Variants in SLC34A2 observed in about 807,000 individuals in gnomAD.
SLC34A2 encodes the protein solute carrier family 34 member 2, also known as sodium-dependent phosphate transport protein 2B.
Under a neutral mutation model 50.8 loss-of-function variants are expected in SLC34A2, and 41 were observed. That is an observed-to-expected ratio of 0.81 (90% CI 0.63 to 1.05). The LOEUF (loss-of-function observed/expected upper bound fraction) is 1.05. SLC34A2 is among the 50% of genes least tolerant of loss of function. SLC34A2 has a pLI of 0.00. For missense variants in SLC34A2, 879 were observed against 876.7 expected (o/e 1.00, Z -0.03); for synonymous variants, 401 against 364.2 (o/e 1.10, Z -1.15).
At position 25,671,732 on chromosome 4, in the gene SLC34A2, C is replaced by T. The variant is rs558784744; in HGVS notation, c.1048+11C>T. ...AGAACATCGCCAAATGTGAGTGGAG[C>T]TCAGTGGATTGGCCACTATGACAGG... On this transcript the variant is annotated intron_variant, in intron 9 of 12. Coordinates refer to ENST00000382051, the MANE Select transcript of SLC34A2 (RefSeq NM_006424.3). 3 of 1,614,200 alleles carry T rather than the reference C, an allele frequency of 1.9e-6. No homozygotes were observed. The highest frequency in any genetic ancestry group is 2.7e-5 in the African/African-American group (2 of 75,056).
chr4:25,677,141 A>G lies in SLC34A2; in HGVS notation c.*392A>G, dbSNP rs945971181. 4 of 260,418 alleles carry G rather than the reference A, an allele frequency of 1.5e-5. No individual in the cohort carries two copies. Among genetic ancestry groups the G allele is most frequent in the Non-Finnish European group, 3.0e-5 (4 of 133,056 alleles). The allele number at this position is 260,418 out of a possible 1,614,324, so 16.1% of individuals were successfully genotyped here. A position where few individuals can be genotyped will look rare whatever the true frequency, so the allele number is the denominator to read the frequency against. ...TATGAGAGGCTCTCCCAGATGAGGAAGTGTACTCTCTATGACTATCAAGCT... is the reference window on the plus strand; with the variant it reads ...TATGAGAGGCTCTCCCAGATGAGGAGGTGTACTCTCTATGACTATCAAGCT... On this transcript the variant is annotated 3_prime_UTR_variant, in exon 13 of 13. Coordinates refer to ENST00000382051, the MANE Select transcript of SLC34A2 (RefSeq NM_006424.3).
chr4:25,672,520 A>G (rs1265191594), intron 9 of SLC34A2, among the ~76,000 whole-genome samples: 1 of 152,092 alleles, frequency 6.6e-6, no homozygotes, highest in Non-Finnish European at 1.5e-5. Flanking sequence ...ACTTTTGTAT[A>G]TCTCTGCTTC....
chr4:25,671,704 A>G lies in SLC34A2; in HGVS notation c.1031A>G (p.Lys344Arg), dbSNP rs750781565. The G allele has an allele frequency of 5.6e-6, 9 of 1,614,082 alleles. No individual in the cohort carries two copies. In the Admixed American group the frequency reaches 8.3e-5, roughly 15 times the overall value. ...TGGACCATGAAGAATGTGACCTACA[A>G]GGAGAACATCGCCAAATGTGAGTGG... ...QNWTMKNVTY[K>R]ENIAKCQHIF... Residue 344 changes from lysine to arginine, a missense_variant, in exon 9 of 13, where the codon AAG (lysine) becomes AGG (arginine). By Grantham distance (26) the Lys-to-Arg change is conservative. Coordinates refer to ENST00000382051, the MANE Select transcript of SLC34A2 (RefSeq NM_006424.3).
In SLC34A2 at chr4:25,670,720, T is replaced by C; in HGVS notation, c.832-18T>C. 1.2e-6 allele frequency: 2 copies of C among 1,602,956 alleles called. No homozygotes were observed. The highest frequency in any genetic ancestry group is 1.7e-6 in the Non-Finnish European group (2 of 1,170,420). ...TTCTGAGGATATGCTGATGGTTTCC[T>C]GTCTACTGTTTCCACAGCTGGATAA... On this transcript the variant is annotated intron_variant, in intron 7 of 12. Transcript: ENST00000382051.
At chr4:25,657,626 A>G (rs574220669) in intron 1 of SLC34A2, among the ~76,000 whole-genome samples, 99 of 152,342 alleles carry the variant, frequency 6.5e-4, no homozygotes, top group Admixed American at 1.2e-3. Flanking sequence ...GTTTGGTGAT[A>G]TGGCCCAAGT....
rs1235833158 is a variant in SLC34A2, at chr4:25,677,001, G to A, written c.*252G>A. On this transcript the variant is annotated 3_prime_UTR_variant, in exon 13 of 13. Transcript: ENST00000382051. ...ACAGGATGGTACCTAAAGAGAATTAGAGAATGAACCTGGCGGGACGGATGT... is the reference window on the plus strand; with the variant it reads ...ACAGGATGGTACCTAAAGAGAATTAAAGAATGAACCTGGCGGGACGGATGT... 2.9e-5 allele frequency: 16 copies of A among 546,920 alleles called. No individual in the cohort carries two copies. The East Asian group carries it at 5.0e-4, about 17-fold the overall frequency. 33.9% of individuals were successfully genotyped at this position (546,920 alleles called of 1,614,324 possible). A position where few individuals can be genotyped will look rare whatever the true frequency, so the allele number is the denominator to read the frequency against.
intron 7 of SLC34A2, among the ~76,000 whole-genome samples, 158 bp downstream of exon 7, chr4:25,670,000 A>G (rs1714731081): frequency 6.6e-6 from 1 of 152,116 alleles, no homozygotes; most frequent in Non-Finnish European, 1.5e-5. Context: ...AGGCAGGTGG[A>G]TTGCTTGAGG....
intron 1 of SLC34A2, among the ~76,000 whole-genome samples, chr4:25,658,130 G>A (rs1228164353): frequency 6.6e-6 from 1 of 152,152 alleles, no homozygotes. Flanking sequence ...TCTATAGAAT[G>A]AGGATACTGT....
intron 6 of SLC34A2, 95 bp from the exon 7 acceptor site, chr4:25,669,552 A>G (rs1446230405): frequency 1.9e-6 from 2 of 1,071,496 alleles, no homozygotes; most frequent in Non-Finnish European, 2.9e-6. Flanking sequence ...GGTGACACCT[A>G]GCAGAGGGTG....
Position 25,664,184 on chromosome 4 carries a change from C to A in SLC34A2, c.251-18C>A, listed in dbSNP as rs151113071. The A allele has an allele frequency of 2.7e-5, 44 of 1,609,064 alleles. No homozygotes were observed. In the South Asian group the frequency reaches 3.7e-4, roughly 14 times the overall value. ...TTTCATGCCTTTCTCTCTCTCCCCC[C>A]ATCCCACCCCCCTGCAGAGAGAGAC... is the stretch of plus-strand genomic sequence containing the variant. On this transcript the variant is annotated intron_variant, in intron 3 of 12. Transcript: ENST00000382051.
Position 25,676,279 on chromosome 4 carries a change from A to G in SLC34A2, c.1603A>G (p.Ile535Val). Reference protein sequence around the residue: ...YRWFAVFYLIIFFFLIPLTVF... With the variant: ...YRWFAVFYLIVFFFLIPLTVF... ...CTGGTTCGCCGTCTTCTACCTGATC[A>G]TCTTCTTCTTCCTGATCCCGCTGAC... Residue 535 changes from isoleucine (I) to valine (V), a missense_variant, in exon 13 of 13, where the codon ATC becomes GTC. Coordinates refer to ENST00000382051, the MANE Select transcript of SLC34A2 (RefSeq NM_006424.3). The G allele has an allele frequency of 6.2e-7, 1 of 1,613,912 alleles. No homozygotes were observed. The highest frequency in any genetic ancestry group is 8.5e-7 in the Non-Finnish European group (1 of 1,179,988).
chr4:25,661,209 A>G (rs540708664), intron 1 of SLC34A2, among the ~76,000 whole-genome samples: 2 of 152,288 alleles, frequency 1.3e-5, no homozygotes, highest in African/African-American at 4.8e-5. Flanking sequence ...CCCTGCAAGA[A>G]CTGTTCCATT....
Position 25,668,089 on chromosome 4 carries a change from A to G in SLC34A2, c.635+98A>G, listed in dbSNP as rs1327944669. Reference sequence around the variant, plus strand: ...ACCAGCCAAAGATGACATGCTTATCAGGTTCATTCCTGGAGTTCCTAGAAG... The same window carrying G: ...ACCAGCCAAAGATGACATGCTTATCGGGTTCATTCCTGGAGTTCCTAGAAG... On this transcript the variant is annotated intron_variant, in intron 6 of 12. Coordinates refer to ENST00000382051, the MANE Select transcript of SLC34A2 (RefSeq NM_006424.3). 3 of 802,600 alleles carry G rather than the reference A, an allele frequency of 3.7e-6. No individual in the cohort carries two copies. The South Asian group carries it at 4.3e-5, about 12-fold the overall frequency. 49.7% of individuals were successfully genotyped at this position (802,600 alleles called of 1,614,324 possible). A position where few individuals can be genotyped will look rare whatever the true frequency, so the allele number is the denominator to read the frequency against.
chr4:25,659,530 C>A (rs1714071078), intron 1 of SLC34A2, among the ~76,000 whole-genome samples: 1 of 152,016 alleles, frequency 6.6e-6, no homozygotes, highest in Non-Finnish European at 1.5e-5. Flanking sequence ...TGACACAGTG[C>A]ATTTCCACAT....
chr4:25,668,503 G>A (rs1198269190), intron 6 of SLC34A2, among the ~76,000 whole-genome samples: 5 of 152,068 alleles, frequency 3.3e-5, no homozygotes, highest in Admixed American at 2.6e-4. Context: ...TTAGCCGGCC[G>A]TGGTTGCCAG....
intron 12 of SLC34A2, 60 bp from the exon 13 acceptor site, chr4:25,676,075 C>G (rs1008746382): frequency 6.7e-5 from 108 of 1,603,880 alleles, no homozygotes; most frequent in Non-Finnish European, 8.7e-5. Flanking sequence ...CCCTCCTCCT[C>G]CCTACTGCCA....
intron 1 of SLC34A2, among the ~76,000 whole-genome samples, chr4:25,658,776 G>A (rs1388376151): frequency 1.3e-5 from 2 of 152,212 alleles, no homozygotes; most frequent in African/African-American, 2.4e-5. Flanking sequence ...ATGTGCTGGA[G>A]TGAGGCCTTG....
At chr4:25,672,211 C>G (rs1335921503) in intron 9 of SLC34A2, among the ~76,000 whole-genome samples, 1 of 152,112 alleles carries the variant, frequency 6.6e-6, no homozygotes, top group East Asian at 1.9e-4. Flanking sequence ...TGGCTCAAGC[C>G]TATAATTCCA....
chr4:25,661,541 C>T (rs1000542927), intron 1 of SLC34A2, among the ~76,000 whole-genome samples: 1 of 152,056 alleles, frequency 6.6e-6, no homozygotes, highest in Non-Finnish European at 1.5e-5. Flanking sequence ...GCACCCACCA[C>T]CATCCCCTGC....
Sources: gnomAD v4.1 joint callset for allele counts (sites outside exome capture counted in the v4.1 genomes callset) on GRCh38, gnomAD v4.1.1 for gene constraint, MANE v1.5 for transcripts, NCBI Gene and HGNC (gene_info 2026-07-23, HGNC 2026-07-21) for gene names.